Variants in TRIO observed in about 807,000 individuals in gnomAD.
TRIO encodes triple functional domain protein.
In TRIO, 58 loss-of-function variants were observed where a neutral mutation model predicts 351.9. The ratio of observed to expected loss-of-function variants is 0.16; its 90% CI spans 0.13 to 0.21. The LOEUF (loss-of-function observed/expected upper bound fraction) is 0.21. Among genes scored for constraint, TRIO ranks in the 10% least tolerant of loss-of-function variants. The pLI is 1.00. For missense variants in TRIO, 3,201 were observed against 4,027.8 expected (o/e 0.79, Z 5.56); for synonymous variants, 1,758 against 1,595.7 (o/e 1.10, Z -2.42).
In TRIO at chr5:14,508,261, C is replaced by T. The variant is rs1469268341; in HGVS notation, c.9133C>T (p.Leu3045Phe). 1.9e-6 allele frequency: 3 copies of T among 1,613,988 alleles called. No homozygotes were observed. In the South Asian group the frequency reaches 3.3e-5, roughly 18 times the overall value. ...CAAGCGTCCCTCGGCTGCGCTGGCC[C>T]TCCAGGAGCAGTGGCTGCAGGCCGG... ...PAKRPSAALA[L>F]QEQWLQAGNG... Residue 3045 changes from leucine (L) to phenylalanine (F), a missense_variant, in exon 57 of 57, where the codon CTC becomes TTC. Coordinates refer to ENST00000344204, the MANE Select transcript of TRIO (RefSeq NM_007118.4).
At chr5:14,254,430 G>A (rs998749744) in intron 1 of TRIO, among the ~76,000 whole-genome samples, 4 of 152,264 alleles carry the variant, frequency 2.6e-5, no homozygotes, top group South Asian at 4.2e-4. Flanking sequence ...GAGGTATAAA[G>A]GAGTCTTGGG....
chr5:14,151,766 T>C (rs1271239902), intron 1 of TRIO, among the ~76,000 whole-genome samples: 1 of 152,242 alleles, frequency 6.6e-6, no homozygotes, highest in Non-Finnish European at 1.5e-5. Context: ...TCTTTTTTGC[T>C]GCTGCCATTG....
chr5:14,398,976 G>A lies in TRIO; in HGVS notation c.4520G>A (p.Arg1507Gln), dbSNP rs1394849486. The change falls in exon 30 of 57, where the codon CGG (arginine) becomes CAG (glutamine). Residue 1507 changes from arginine to glutamine, a missense_variant. Arg to Gln is a conservative substitution (Grantham distance 43). Transcript: ENST00000344204. ...PKTLIRKGRE[R>Q]HLFLFEMSLV... ...ACCTTAATTCGAAAGGGTCGAGAACGGCATCTCTTCCTTTTTGAAATGTCC... is the reference window on the plus strand; with the variant it reads ...ACCTTAATTCGAAAGGGTCGAGAACAGCATCTCTTCCTTTTTGAAATGTCC... 1 of 1,613,956 alleles carries A rather than the reference G, an allele frequency of 6.2e-7. No homozygotes were observed. Among genetic ancestry groups the A allele is most frequent in the African/African-American group, 1.3e-5 (1 of 74,910 alleles).
At chr5:14,380,724 TA>T (rs904310687) in intron 20 of TRIO, among the ~76,000 whole-genome samples, 1 of 152,194 alleles carries the variant, frequency 6.6e-6, no homozygotes, top group African/African-American at 2.4e-5. Context: ...ATTGGGTATA[TA>T]CCCAAAGAAT....
intron 53 of TRIO, chr5:14,499,012 C>T: frequency 4.7e-6 from 1 of 210,644 alleles, no homozygotes; most frequent in Admixed American, 5.0e-5. Context: ...TCATATCCAG[C>T]TACCCAGCTG....
At chr5:14,262,662 G>A (rs1339182893) in intron 1 of TRIO, among the ~76,000 whole-genome samples, 1 of 152,124 alleles carries the variant, frequency 6.6e-6, no homozygotes, top group Admixed American at 6.5e-5. Flanking sequence ...ATGGGACTGT[G>A]GAGTCCCTAC....
At position 14,298,270 on chromosome 5, in the gene TRIO, C is replaced by A. The variant is rs1265994873; in HGVS notation, c.1368+1007C>A. On this transcript the variant is annotated intron_variant, in intron 7 of 56. Coordinates refer to ENST00000344204, the MANE Select transcript of TRIO (RefSeq NM_007118.4). Reference sequence around the variant, plus strand: ...TTAAGCAAACTTGCTTAAACAAACGCTCTGAAAGTAGCAAAATGAAAGGGA... The same window carrying A: ...TTAAGCAAACTTGCTTAAACAAACGATCTGAAAGTAGCAAAATGAAAGGGA... 9.2e-5 allele frequency among the ~76,000 whole-genome samples: 14 copies of A among 152,216 alleles called. No individual in the cohort carries two copies. In the East Asian group the frequency reaches 2.7e-3, roughly 29 times the overall value.
At position 14,436,729 on chromosome 5, in the gene TRIO, A is replaced by G. The variant is rs187849496; in HGVS notation, c.5203+16708A>G. On this transcript the variant is annotated intron_variant, in intron 34 of 56. Transcript: ENST00000344204. ...CAGACCCCATGCAAGTCTGAAATCC[A>G]GCAGAGCAGTCAAATCTTAAAACTC... 1.9e-3 allele frequency among the ~76,000 whole-genome samples: 293 copies of G among 152,342 alleles called. 6 individuals carry two copies. The highest frequency in any genetic ancestry group is 0.017 in the Admixed American group (255 of 15,298).
chr5:14,206,407 G>A (rs568704037), intron 1 of TRIO, among the ~76,000 whole-genome samples: 34 of 152,324 alleles, frequency 2.2e-4, no homozygotes, highest in African/African-American at 7.9e-4. Context: ...AAAAAACTAA[G>A]CATACTGCTT....
intron 11 of TRIO, among the ~76,000 whole-genome samples, chr5:14,352,820 G>A (rs574836237): frequency 4.6e-5 from 7 of 152,218 alleles, no homozygotes; most frequent in Admixed American, 2.0e-4. Context: ...ACCAGCCAGC[G>A]GGAGGATGAG....
chr5:14,184,899 C>T (rs945233622), intron 1 of TRIO, among the ~76,000 whole-genome samples: 11 of 152,150 alleles, frequency 7.2e-5, no homozygotes, highest in Admixed American at 4.6e-4. Flanking sequence ...TCATTAATCA[C>T]GTTTAGTGTT....
At chr5:14,442,655 T>C (rs1312347100) in intron 34 of TRIO, among the ~76,000 whole-genome samples, 1 of 152,258 alleles carries the variant, frequency 6.6e-6, no homozygotes, top group Non-Finnish European at 1.5e-5. Flanking sequence ...CCTCCCTGTC[T>C]GCAGGTGTGC....
At chr5:14,361,105 T>C (rs2152338294) in intron 13 of TRIO, among the ~76,000 whole-genome samples, 1 of 152,294 alleles carries the variant, frequency 6.6e-6, no homozygotes, top group South Asian at 2.1e-4. Flanking sequence ...ATATTGAATA[T>C]TTTCAACTAG....
At chr5:14,406,528 C>G (rs1748732898) in intron 32 of TRIO, 45 bp from the exon 33 acceptor site, 2 of 1,583,742 alleles carry the variant, frequency 1.3e-6, no homozygotes, top group East Asian at 4.5e-5. Context: ...CCAGTGACTG[C>G]CAGCTCAGCA....
At chr5:14,392,584 AC>A in intron 27 of TRIO, among the ~76,000 whole-genome samples, 1 of 152,344 alleles carries the variant, frequency 6.6e-6, no homozygotes, top group African/African-American at 2.4e-5. Flanking sequence ...CTGGGTATAC[AC>A]CCAAAGGATT....
At chr5:14,162,011 G>A (rs1387415915) in intron 1 of TRIO, among the ~76,000 whole-genome samples, 1 of 152,216 alleles carries the variant, frequency 6.6e-6, no homozygotes, top group Non-Finnish European at 1.5e-5. Context: ...GAACCGCCAT[G>A]CCTGGTCTCT....
chr5:14,153,533 A>G (rs1167929433), intron 1 of TRIO, among the ~76,000 whole-genome samples: 2 of 152,140 alleles, frequency 1.3e-5, no homozygotes, highest in East Asian at 3.8e-4. Flanking sequence ...TTACCATCCA[A>G]GGGCCTGTAC....
intron 1 of TRIO, chr5:14,183,825 G>C: frequency 1.6e-6 from 1 of 637,976 alleles, no homozygotes; most frequent in Non-Finnish European, 2.9e-6. Context: ...GTTGTTTGTT[G>C]GTGTTCTGGG....
At chr5:14,503,708 G>A (rs932541137) in intron 54 of TRIO, among the ~76,000 whole-genome samples, 3 of 152,230 alleles carry the variant, frequency 2.0e-5, no homozygotes, top group Non-Finnish European at 2.9e-5. Context: ...GATTCAAGGG[G>A]ACGAATAGCC....
Sources: gnomAD v4.1 joint callset for allele counts (sites outside exome capture counted in the v4.1 genomes callset) on GRCh38, gnomAD v4.1.1 for gene constraint, MANE v1.5 for transcripts, NCBI Gene and HGNC (gene_info 2026-07-23, HGNC 2026-07-21) for gene names.